The following KLHL29 variants were observed in gnomAD, a reference collection of about 807,000 sequenced individuals.
KLHL29 encodes kelch like family member 29.
A neutral mutation model predicts 80.4 loss-of-function variants in KLHL29; 21 were observed. The ratio of observed to expected loss-of-function variants is 0.26; its 90% CI spans 0.19 to 0.38. The LOEUF is 0.38. Ranked by LOEUF, KLHL29 falls within the 10% of genes least tolerant of loss-of-function variation. The pLI is 1.00. For missense variants in KLHL29, 867 were observed against 1,223.9 expected, an observed-to-expected ratio of 0.71 and a Z score of 4.35; for synonymous variants, 511 against 526.8, an observed-to-expected ratio of 0.97 and a Z score of 0.41.
At chr2:23,522,342 G>A (rs1223846866) in intron 2 of KLHL29, among the ~76,000 whole-genome samples, 2 of 152,014 alleles carry the variant, frequency 1.3e-5, no homozygotes, top group Non-Finnish European at 2.9e-5. Flanking sequence ...TAGAGATGGG[G>A]TTCCACCATG....
chr2:23,435,334 G>A (rs377592998), intron 1 of KLHL29, among the ~76,000 whole-genome samples: 20 of 152,174 alleles, frequency 1.3e-4, no homozygotes, highest in Admixed American at 1.1e-3. Context: ...GCATACAAGC[G>A]ATGGGTCACA....
intron 3 of KLHL29, among the ~76,000 whole-genome samples, chr2:23,611,303 G>T (rs758658245): frequency 6.6e-6 from 1 of 152,174 alleles, no homozygotes; most frequent in African/African-American, 2.4e-5. Flanking sequence ...TGAGCAGGGC[G>T]CTTGACAGCA....
At chr2:23,455,895 G>C (rs760209182) in intron 1 of KLHL29, among the ~76,000 whole-genome samples, 9 of 152,050 alleles carry the variant, frequency 5.9e-5, no homozygotes, top group Non-Finnish European at 8.8e-5. Flanking sequence ...CCTTTAAAGG[G>C]GTGATTAAGG....
chr2:23,555,773 G>A (rs994205449), intron 2 of KLHL29, among the ~76,000 whole-genome samples: 1 of 152,204 alleles, frequency 6.6e-6, no homozygotes, highest in Non-Finnish European at 1.5e-5. Context: ...TTTCTGGCAG[G>A]GCCGGGGATG....
At chr2:23,567,016 G>A (rs534650065) in intron 3 of KLHL29, among the ~76,000 whole-genome samples, 5 of 152,270 alleles carry the variant, frequency 3.3e-5, no homozygotes, top group Admixed American at 2.6e-4. Context: ...AACTGGGATG[G>A]CATCCCATCC....
intron 1 of KLHL29, among the ~76,000 whole-genome samples, chr2:23,438,797 T>C (rs1220309684): frequency 6.6e-6 from 1 of 152,260 alleles, no homozygotes; most frequent in East Asian, 1.9e-4. Context: ...TTTGCCAGGC[T>C]TTGGTATCAG....
intron 1 of KLHL29, among the ~76,000 whole-genome samples, chr2:23,445,211 A>G (rs1370852880): frequency 6.6e-6 from 1 of 152,260 alleles, no homozygotes; most frequent in Non-Finnish European, 1.5e-5. Context: ...GTAACCTCAT[A>G]GAAATCTTGA....
At chr2:23,625,655 T>C (rs992255796) in intron 3 of KLHL29, among the ~76,000 whole-genome samples, 5 of 152,206 alleles carry the variant, frequency 3.3e-5, no homozygotes, top group Non-Finnish European at 7.3e-5. Flanking sequence ...CGATCTCCAC[T>C]CGGTTCACTC....
rs561205130 is a variant in KLHL29 at position 23,415,504 on chromosome 2, A to G, written c.-154+29724A>G. 5.9e-5 allele frequency among the ~76,000 whole-genome samples: 9 copies of G among 152,336 alleles called. No homozygotes were observed. In the East Asian group the frequency reaches 1.2e-3, roughly 20 times the overall value. ...AGTTGGAAAGCTATTATTTGTTCCCACAAGTTTTGGAGGTTTAGTAGTCCA... is the reference window on the plus strand; with the variant it reads ...AGTTGGAAAGCTATTATTTGTTCCCGCAAGTTTTGGAGGTTTAGTAGTCCA... On this transcript the variant is annotated intron_variant, in intron 1 of 13. Transcript: ENST00000486442.
intron 1 of KLHL29, among the ~76,000 whole-genome samples, chr2:23,460,528 CAAG>C (rs1664180363): frequency 6.6e-6 from 1 of 152,066 alleles, no homozygotes; most frequent in Non-Finnish European, 1.5e-5. Flanking sequence ...TTGCCCCAAA[CAAG>C]AATGGGGTGA....
intron 2 of KLHL29, among the ~76,000 whole-genome samples, chr2:23,515,506 G>A (rs1311688462): frequency 1.3e-5 from 2 of 152,184 alleles, no homozygotes; most frequent in Non-Finnish European, 2.9e-5. Flanking sequence ...GCCTTGGGGG[G>A]CCCCCGTCTC....
At chr2:23,632,174 T>C (rs1385700360) in intron 3 of KLHL29, among the ~76,000 whole-genome samples, 1 of 152,232 alleles carries the variant, frequency 6.6e-6, no homozygotes, top group Non-Finnish European at 1.5e-5. Context: ...TGTGTGATCT[T>C]GGAATCTGCT....
At chr2:23,602,368 C>T in intron 3 of KLHL29, among the ~76,000 whole-genome samples, 1 of 152,212 alleles carries the variant, frequency 6.6e-6, no homozygotes, top group Non-Finnish European at 1.5e-5. Context: ...GGCTGCGGCT[C>T]CTGCACAGAG....
chr2:23,482,638 T>G (rs1271485000), intron 2 of KLHL29, among the ~76,000 whole-genome samples: 1 of 152,248 alleles, frequency 6.6e-6, no homozygotes, highest in Non-Finnish European at 1.5e-5. Flanking sequence ...TGATCTCATT[T>G]ACTCATACTC....
chr2:23,652,890 G>A (rs1393108501), intron 5 of KLHL29, among the ~76,000 whole-genome samples: 1 of 151,982 alleles, frequency 6.6e-6, no homozygotes. Flanking sequence ...ATTCCTTTTT[G>A]TAGACACCCC....
chr2:23,693,188 G>C (rs1671732436), intron 7 of KLHL29, 81 bp from the exon 8 acceptor site: 1 of 1,466,950 alleles, frequency 6.8e-7, no homozygotes, highest in Non-Finnish European at 9.1e-7. Context: ...TTCAGAGAAG[G>C]ATCTAGGGTG....
chr2:23,503,070 T>C lies in KLHL29; in HGVS notation c.-46+27403T>C, dbSNP rs1009764079. On this transcript the variant is annotated intron_variant, in intron 2 of 13. Transcript: ENST00000486442. This position sits in a 1 kb window ranked among gnomAD's most constrained non-coding sequence, Gnocchi z 4.0. ...TCAGGAAAAATAACCTGAGAATAGATGTGTTTTGTTTGAATGTCGTAGTTG... is the reference window on the plus strand; with the variant it reads ...TCAGGAAAAATAACCTGAGAATAGACGTGTTTTGTTTGAATGTCGTAGTTG... Among the ~76,000 whole-genome samples, 7 of 152,184 alleles carry C rather than the reference T, an allele frequency of 4.6e-5. No homozygotes were observed. Among genetic ancestry groups the C allele is most frequent in the African/African-American group, 1.7e-4 (7 of 41,436 alleles).
chr2:23,453,784 G>A (rs1314780023), intron 1 of KLHL29, among the ~76,000 whole-genome samples: 1 of 152,288 alleles, frequency 6.6e-6, no homozygotes, highest in African/African-American at 2.4e-5. Context: ...AAATAAGAGG[G>A]ACTTGGTATT....
At chr2:23,577,771 A>G (rs908948442) in intron 3 of KLHL29, among the ~76,000 whole-genome samples, 2 of 151,834 alleles carry the variant, frequency 1.3e-5, no homozygotes, top group African/African-American at 2.4e-5. Context: ...AAGAAAAGAA[A>G]GATCAGTAGG....
Sources: allele counts gnomAD v4.1 joint callset (sites outside exome capture counted in the v4.1 genomes callset), GRCh38; gene constraint gnomAD v4.1.1; non-coding constraint Gnocchi (gnomAD v3.1); transcripts MANE v1.5; gene names NCBI Gene and HGNC (gene_info 2026-07-23, HGNC 2026-07-21).